The following TUSC3 variants were observed in gnomAD, a reference collection of about 807,000 sequenced individuals.
The protein encoded by TUSC3 is dolichyl-diphosphooligosaccharide--protein glycosyltransferase subunit TUSC3.
A neutral mutation model predicts 44.8 loss-of-function variants in TUSC3; 45 were observed. That is an observed-to-expected ratio of 1.00 (90% confidence interval 0.79 to 1.29). The LOEUF (loss-of-function observed/expected upper bound fraction) is 1.29. TUSC3 is among the 50% of genes most tolerant of loss of function. The pLI is 0.00. For missense variants in TUSC3, 519 were observed against 437.9 expected (o/e 1.19, Z -1.65); for synonymous variants, 212 against 152.9 (o/e 1.39, Z -2.85).
intron 1 of TUSC3, among the ~76,000 whole-genome samples, chr8:15,607,548 T>C (rs998289332): frequency 4.6e-5 from 7 of 152,172 alleles, no homozygotes; most frequent in African/African-American, 1.4e-4. Context: ...ACTTCTCCTC[T>C]AACATTTCAT....
chr8:15,668,110 AG>A (rs1807758075), intron 5 of TUSC3, among the ~76,000 whole-genome samples: 1 of 151,776 alleles, frequency 6.6e-6, no homozygotes, highest in Non-Finnish European at 1.5e-5. Context: ...GTGAGGTGGA[AG>A]GATTGGTATC....
At chr8:15,534,862 T>A (rs888628940) in intron 2 of TUSC3, among the ~76,000 whole-genome samples, 9 of 152,146 alleles carry the variant, frequency 5.9e-5, no homozygotes, top group African/African-American at 2.2e-4. Context: ...AGCTCAGTGT[T>A]TGGCTTACTT....
Position 15,741,516 on chromosome 8 carries a change from A to G in TUSC3, c.863-2022A>G, listed in dbSNP as rs867595598. ...TTGAGGCCAGCATGGCGAAACCCCAACTCTACTAAAATACTAAAGTTGTCC... is the reference window on the plus strand; with the variant it reads ...TTGAGGCCAGCATGGCGAAACCCCAGCTCTACTAAAATACTAAAGTTGTCC... On this transcript the variant is annotated intron_variant, in intron 7 of 10. Coordinates refer to ENST00000503731, the MANE Select transcript of TUSC3 (RefSeq NM_006765.4). Among the ~76,000 whole-genome samples the G allele has an allele frequency of 2.6e-5, 4 of 152,014 alleles. No homozygotes were observed. The South Asian group carries it at 6.2e-4, about 24-fold the overall frequency.
At chr8:15,651,293 A>G (rs1806893070) in intron 3 of TUSC3, among the ~76,000 whole-genome samples, 1 of 152,200 alleles carries the variant, frequency 6.6e-6, no homozygotes, top group Non-Finnish European at 1.5e-5. Context: ...CATTTTATAT[A>G]AAATTTATTG....
chr8:15,598,391 G>A (rs1023909981), intron 1 of TUSC3, among the ~76,000 whole-genome samples: 5 of 151,774 alleles, frequency 3.3e-5, no homozygotes, highest in Non-Finnish European at 7.4e-5. Context: ...CCACACATGC[G>A]TCATCTCCAT....
At position 15,604,633 on chromosome 8, in the gene TUSC3, G is replaced by A. The variant is rs182109830; in HGVS notation, c.139-18447G>A. On this transcript the variant is annotated intron_variant, in intron 1 of 10. Transcript: ENST00000503731. ...ACATATGGGTTACTGAATAATTACCGAATTAATTGTTTTCTAGTTAATGCC... is the reference window on the plus strand; with the variant it reads ...ACATATGGGTTACTGAATAATTACCAAATTAATTGTTTTCTAGTTAATGCC... 2.5e-3 allele frequency among the ~76,000 whole-genome samples: 381 copies of A among 151,760 alleles called. 2 individuals carry two copies. The highest frequency in any genetic ancestry group is 8.7e-3 in the African/African-American group (361 of 41,468).
At chr8:15,591,846 TTTTTA>T (rs776558888) in intron 1 of TUSC3, among the ~76,000 whole-genome samples, 3 of 152,220 alleles carry the variant, frequency 2.0e-5, no homozygotes, top group Non-Finnish European at 4.4e-5. Context: ...AGAAGTTTAC[TTTTTA>T]TTTTAAGTGC....
At chr8:15,831,390 A>G in the TUSC3 span, among the ~76,000 whole-genome samples, 1 of 152,216 alleles carries the variant, frequency 6.6e-6, no homozygotes, top group Non-Finnish European at 1.5e-5. Flanking sequence ...CAAAAGCCAG[A>G]GTACCTTCTT....
At chr8:15,739,645 C>G (rs921754027) in intron 7 of TUSC3, among the ~76,000 whole-genome samples, 2 of 152,104 alleles carry the variant, frequency 1.3e-5, no homozygotes, top group African/African-American at 2.4e-5. Flanking sequence ...TTATTGCAAA[C>G]TTATTTGTAA....
chr8:15,434,682 C>T (rs1043196039), intron 1 of TUSC3, among the ~76,000 whole-genome samples: 3 of 151,576 alleles, frequency 2.0e-5, no homozygotes, highest in South Asian at 4.2e-4. Context: ...CCCTCCCCCA[C>T]GACTTCCCCC....
chr8:15,675,169 T>C (rs1269682072), intron 6 of TUSC3, among the ~76,000 whole-genome samples: 1 of 152,156 alleles, frequency 6.6e-6, no homozygotes, highest in Non-Finnish European at 1.5e-5. Flanking sequence ...TTGTCACTGA[T>C]ACATTTCTGT....
intron 2 of TUSC3, among the ~76,000 whole-genome samples, chr8:15,627,799 G>A (rs986503538): frequency 1.3e-5 from 2 of 152,244 alleles, no homozygotes; most frequent in Non-Finnish European, 1.5e-5. Flanking sequence ...GCAGTGGCCA[G>A]ACCCCATGCT....
chr8:15,627,080 A>G (rs1020503009), intron 2 of TUSC3, among the ~76,000 whole-genome samples: 16 of 152,224 alleles, frequency 1.1e-4, no homozygotes, highest in Admixed American at 1.0e-3. Flanking sequence ...TATCTGGCCC[A>G]TAAAAACCTC....
At chr8:15,771,920 C>G in the TUSC3 span, among the ~76,000 whole-genome samples, 2 of 152,000 alleles carry the variant, frequency 1.3e-5, no homozygotes, top group African/African-American at 2.4e-5. Flanking sequence ...AACCCCATCT[C>G]TACTAAAAAA....
chr8:15,638,095 T>C (rs1806172609), intron 2 of TUSC3, among the ~76,000 whole-genome samples: 1 of 152,170 alleles, frequency 6.6e-6, no homozygotes, highest in African/African-American at 2.4e-5. Flanking sequence ...GCCCACCATG[T>C]TATAGACCTG....
At chr8:15,644,276 C>G (rs1449881613) in intron 2 of TUSC3, among the ~76,000 whole-genome samples, 2 of 152,154 alleles carry the variant, frequency 1.3e-5, no homozygotes, top group East Asian at 3.9e-4. Flanking sequence ...ATCCTTTTGA[C>G]GCAGCGTGAC....
At chr8:15,728,712 G>T (rs1810596460) in intron 6 of TUSC3, among the ~76,000 whole-genome samples, 2 of 152,238 alleles carry the variant, frequency 1.3e-5, no homozygotes, top group Non-Finnish European at 2.9e-5. Context: ...AATCAATATA[G>T]ACATAATTAA....
intron 1 of TUSC3, among the ~76,000 whole-genome samples, chr8:15,591,218 G>T (rs987171073): frequency 6.6e-6 from 1 of 151,866 alleles, no homozygotes. Flanking sequence ...TTAATCATTT[G>T]GGGTTTTAAT....
At chr8:15,686,039 G>A (rs976051879) in intron 6 of TUSC3, among the ~76,000 whole-genome samples, 4 of 151,936 alleles carry the variant, frequency 2.6e-5, no homozygotes, top group African/African-American at 9.7e-5. Flanking sequence ...AGTGTGATGC[G>A]GTGCTGCTTT....
Sources: allele counts gnomAD v4.1 joint callset (sites outside exome capture counted in the v4.1 genomes callset), GRCh38; gene constraint gnomAD v4.1.1; transcripts MANE v1.5; gene names NCBI Gene and HGNC (gene_info 2026-07-23, HGNC 2026-07-21).